The following ST3GAL3 variants were observed in gnomAD, a reference collection of about 807,000 sequenced individuals.
ST3GAL3 encodes the protein CMP-N-acetylneuraminate-beta-1,4-galactoside alpha-2,3-sialyltransferase.
A neutral mutation model predicts 50.1 loss-of-function variants in ST3GAL3; 21 were observed. The observed-to-expected ratio is 0.42, with a 90% CI of 0.30 to 0.60. The LOEUF (loss-of-function observed/expected upper bound fraction) is 0.60, where lower values mean the gene tolerates loss of function less well. ST3GAL3 is among the 20% of genes least tolerant of loss of function. The probability of loss-of-function intolerance (pLI) is 0.19; values close to 1 mark genes in which losing one functional copy is unlikely to be tolerated. For synonymous variants in ST3GAL3, 183 were observed against 190.0 expected (o/e 0.96, Z 0.30); for missense variants, 353 against 489.4 (o/e 0.72, Z 2.63).
chr1:43,917,763 G>A (rs2082320410), intron 9 of ST3GAL3, among the ~76,000 whole-genome samples: 1 of 142,288 alleles, frequency 7.0e-6, no homozygotes, highest in South Asian at 2.1e-4. Context: ...CTGTCCCCAG[G>A]TTCAAGCGAT....
intron 3 of ST3GAL3, among the ~76,000 whole-genome samples, chr1:43,807,427 A>AATAAATAAATAC (rs2060028832): frequency 6.6e-6 from 1 of 150,994 alleles, no homozygotes; most frequent in African/African-American, 2.4e-5. Context: ...AAAATAAATA[A>AATAAATAAATAC]ATAAATAAAT....
chr1:43,854,336 C>T (rs139597945), intron 5 of ST3GAL3, among the ~76,000 whole-genome samples: 4 of 152,240 alleles, frequency 2.6e-5, no homozygotes, highest in East Asian at 1.9e-4. Flanking sequence ...CTGACAAATC[C>T]GACAGATAGA....
rs146335532 is a variant in ST3GAL3 at position 43,848,391 on chromosome 1, C to T, written c.302+10080C>T. 5.2e-3 allele frequency among the ~76,000 whole-genome samples: 770 copies of T among 148,504 alleles called. 11 individuals are homozygous for T. Among genetic ancestry groups the T allele is most frequent in the African/African-American group, 0.019 (749 of 40,180 alleles). ...CGCGATCTTGGTTCACTGCAACCTCCGCCTCCTGGGTTCAAGCAATTCTCC... is the reference window on the plus strand; with the variant it reads ...CGCGATCTTGGTTCACTGCAACCTCTGCCTCCTGGGTTCAAGCAATTCTCC... On this transcript the variant is annotated intron_variant, in intron 5 of 11. Transcript: ENST00000347631.
intron 3 of ST3GAL3, among the ~76,000 whole-genome samples, chr1:43,797,506 A>G (rs185625991): frequency 2.6e-5 from 4 of 152,304 alleles, no homozygotes; most frequent in East Asian, 1.9e-4. Context: ...AAAAATCAAT[A>G]TAATCCACCG....
chr1:43,879,628 G>A (rs933334454), intron 5 of ST3GAL3: 1 of 336,916 alleles, frequency 3.0e-6, no homozygotes, highest in African/African-American at 2.2e-5. Flanking sequence ...ATGCCATCCA[G>A]TTGGCAAGAG....
chr1:43,727,667 C>G (rs951991265), intron 1 of ST3GAL3, among the ~76,000 whole-genome samples: 2 of 152,136 alleles, frequency 1.3e-5, no homozygotes, highest in Non-Finnish European at 2.9e-5. Flanking sequence ...TGAAACTAAA[C>G]CTATTCCTCA....
intron 5 of ST3GAL3, chr1:43,850,565 GT>G: frequency 1.4e-6 from 1 of 724,240 alleles, no homozygotes; most frequent in Non-Finnish European, 2.6e-6. Context: ...GCCGTAGAGT[GT>G]TTCTATCATC....
intron 4 of ST3GAL3, among the ~76,000 whole-genome samples, chr1:43,815,862 C>T (rs987219483): frequency 2.6e-5 from 4 of 151,112 alleles, no homozygotes; most frequent in Admixed American, 1.3e-4. Flanking sequence ...GTCAGGTGCC[C>T]GTTAAACACT....
At chr1:43,713,875 T>C (rs1290697913) in intron 1 of ST3GAL3, among the ~76,000 whole-genome samples, 2 of 152,150 alleles carry the variant, frequency 1.3e-5, no homozygotes, top group African/African-American at 2.4e-5. Flanking sequence ...TAGGTCTTAC[T>C]AACAAGGATA....
chr1:43,811,144 T>G (rs1172360788), intron 3 of ST3GAL3, among the ~76,000 whole-genome samples: 2 of 151,052 alleles, frequency 1.3e-5, no homozygotes, highest in African/African-American at 5.0e-5. Flanking sequence ...CACAGTGAGT[T>G]GCCATTTCCA....
chr1:43,747,033 G>C (rs1464092247), intron 2 of ST3GAL3, among the ~76,000 whole-genome samples: 1 of 144,374 alleles, frequency 6.9e-6, no homozygotes, highest in Admixed American at 6.8e-5. Context: ...CCCGAAGTGC[G>C]AGGATTACAG....
chr1:43,753,787 A>G (rs1196683722), intron 2 of ST3GAL3, among the ~76,000 whole-genome samples: 7 of 152,044 alleles, frequency 4.6e-5, no homozygotes, highest in African/African-American at 1.4e-4. Context: ...CCAGTTCTTT[A>G]TATCATAGCC....
intron 3 of ST3GAL3, among the ~76,000 whole-genome samples, chr1:43,811,908 G>A (rs1007897302): frequency 2.6e-5 from 4 of 152,282 alleles, no homozygotes; most frequent in East Asian, 1.9e-4. Context: ...ATTTGATGTA[G>A]GGAAGGCCTT....
chr1:43,850,607 A>G (rs748791788), intron 5 of ST3GAL3: 58 of 762,620 alleles, frequency 7.6e-5, no homozygotes, highest in Non-Finnish European at 1.3e-4. Flanking sequence ...AGGCAATAGA[A>G]CAGGCTTCTA....
chr1:43,825,231 G>A (rs558577120), intron 4 of ST3GAL3, among the ~76,000 whole-genome samples: 1 of 152,266 alleles, frequency 6.6e-6, no homozygotes, highest in African/African-American at 2.4e-5. Flanking sequence ...TAACAATTAT[G>A]TTAGGGTAGT....
intron 5 of ST3GAL3, chr1:43,851,175 TCTC>T: frequency 2.9e-6 from 4 of 1,399,624 alleles, no homozygotes; most frequent in South Asian, 1.2e-5. Flanking sequence ...AGGCGGGTGT[TCTC>T]CTCCAGCTGG....
chr1:43,726,373 A>G lies in ST3GAL3; in HGVS notation c.-30-9860A>G, dbSNP rs559101421. ...ATGATCTTAGCTCATTGCAGCCTCT[A>G]ACTCCTGGGCTCAAGTAATCCTCCC... On this transcript the variant is annotated intron_variant, in intron 1 of 11. Transcript: ENST00000347631. Among the ~76,000 whole-genome samples the G allele has an allele frequency of 4.0e-5, 6 of 151,002 alleles. No individual in the cohort carries two copies. The East Asian group carries it at 1.2e-3, about 30-fold the overall frequency.
intron 4 of ST3GAL3, among the ~76,000 whole-genome samples, chr1:43,815,942 A>G (rs1346903114): frequency 6.7e-6 from 1 of 149,494 alleles, no homozygotes; most frequent in Non-Finnish European, 1.5e-5. Flanking sequence ...TGATGGTAGG[A>G]TGACTGCGTA....
At chr1:43,718,289 A>G (rs572462264) in intron 1 of ST3GAL3, among the ~76,000 whole-genome samples, 14 of 134,978 alleles carry the variant, frequency 1.0e-4, no homozygotes, top group African/African-American at 4.0e-4. Flanking sequence ...TCCCTGGTTC[A>G]CGCCATTCTC....
Sources: allele counts gnomAD v4.1 joint callset (sites outside exome capture counted in the v4.1 genomes callset), GRCh38; gene constraint gnomAD v4.1.1; transcripts MANE v1.5; gene names NCBI Gene and HGNC (gene_info 2026-07-23, HGNC 2026-07-21).